The following CELF5 variants were observed in gnomAD, a reference collection of about 807,000 sequenced individuals.
CELF5 encodes CUG-BP and ETR-3 like factor 5.
Under a neutral mutation model 54.9 loss-of-function variants are expected in CELF5, and 6 were observed. That is an observed-to-expected ratio of 0.11 (90% CI 0.06 to 0.22). The LOEUF (loss-of-function observed/expected upper bound fraction) is 0.22, where lower values mean the gene tolerates loss of function less well. Ranked by LOEUF, CELF5 falls within the 10% of genes least tolerant of loss-of-function variation. The probability of loss-of-function intolerance (pLI) is 1.00; values close to 1 mark genes in which losing one functional copy is unlikely to be tolerated. For synonymous variants in CELF5, 271 were observed against 290.9 expected (o/e 0.93, Z 0.70); for missense variants, 401 against 678.6 (o/e 0.59, Z 4.54).
chr19:3,282,561 A>G lies in CELF5; in HGVS notation c.1039+63A>G. 6.5e-7 allele frequency: 1 copy of G among 1,542,300 alleles called. No individual in the cohort carries two copies. Among genetic ancestry groups the G allele is most frequent in the Admixed American group, 1.8e-5 (1 of 54,892 alleles). On this transcript the variant is annotated intron_variant, in intron 8 of 12. Coordinates refer to ENST00000292672, the MANE Select transcript of CELF5 (RefSeq NM_021938.4). The surrounding 1 kb of genome is among the most constrained non-coding windows in gnomAD (Gnocchi z 5.2). ...TGGGGAATAAAGATGGTGTTTCTGG[A>G]ACAAGTATGAGTCCCTACATCACAG...
intron 1 of CELF5, among the ~76,000 whole-genome samples, chr19:3,249,509 C>T (rs990409920): frequency 6.6e-5 from 10 of 151,708 alleles, no homozygotes; most frequent in African/African-American, 2.4e-4. Flanking sequence ...GCTTCCCACC[C>T]TCCGATCCCT....
chr19:3,258,609 A>G (rs895238649), intron 2 of CELF5, among the ~76,000 whole-genome samples: 6 of 151,880 alleles, frequency 4.0e-5, no homozygotes, highest in African/African-American at 1.5e-4. Context: ...ATATATACAT[A>G]TTTTTTATTT....
chr19:3,230,089 T>G (rs1277169397), intron 1 of CELF5, among the ~76,000 whole-genome samples: 2 of 151,650 alleles, frequency 1.3e-5, no homozygotes, highest in African/African-American at 4.8e-5. Context: ...CATTCATTCA[T>G]TCATTCATTC....
intron 2 of CELF5, among the ~76,000 whole-genome samples, chr19:3,263,632 C>T (rs1249509699): frequency 4.6e-5 from 7 of 151,934 alleles, no homozygotes; most frequent in South Asian, 4.2e-4. Flanking sequence ...CGGCCGGGCA[C>T]GGTGGCTCAC....
Position 3,278,157 on chromosome 19 carries a change from G to A in CELF5, c.603+47G>A, listed in dbSNP as rs752994150. 3.3e-6 allele frequency: 4 copies of A among 1,196,002 alleles called. No homozygotes were observed. The highest frequency in any genetic ancestry group is 3.6e-5 in the Admixed American group (2 of 55,196). The allele number at this position is 1,196,002 out of a possible 1,614,324, so 74.1% of individuals were successfully genotyped here. A position where few individuals can be genotyped will look rare whatever the true frequency, so the allele number is the denominator to read the frequency against. ...CCGTGGGGGTGGGGGTGGGAAAGGG[G>A]TGAGGGGGACAGGGATGAAACAGGC... On this transcript the variant is annotated intron_variant, in intron 5 of 12. Transcript: ENST00000292672. The surrounding 1 kb of genome is among the most constrained non-coding windows in gnomAD (Gnocchi z 4.5).
Position 3,293,440 on chromosome 19 carries a change from C to G in CELF5, c.1452C>G (p.Pro484=), listed in dbSNP as rs142809979. ...AGCGGCCCAAAGACCCGGGACACCC[C>G]TACTGACCGCGCCCACAGCCGCCCT... ...QLKRPKDPGH[P]Y Residue 484 remains proline (P), a synonymous_variant, in exon 12 of 13, where the codon CCC becomes CCG. Transcript: ENST00000292672. 1.5e-5 allele frequency: 25 copies of G among 1,613,908 alleles called. No homozygotes were observed. Among genetic ancestry groups the G allele is most frequent in the Middle Eastern group, 1.6e-4 (1 of 6,082 alleles).
intron 2 of CELF5, among the ~76,000 whole-genome samples, chr19:3,251,666 T>TG (rs1270547221): frequency 3.1e-4 from 42 of 135,670 alleles, no homozygotes; most frequent in African/African-American, 1.1e-3. Flanking sequence ...TTTTTTTTTT[T>TG]TTTTTTTTGT....
At chr19:3,274,169 C>A (rs1051904296) in intron 3 of CELF5, among the ~76,000 whole-genome samples, 2 of 151,060 alleles carry the variant, frequency 1.3e-5, no homozygotes, top group Admixed American at 6.6e-5. Flanking sequence ...GATGGGGGGT[C>A]TAGCCAGGTC....
chr19:3,229,764 C>T (rs1420709716), intron 1 of CELF5, among the ~76,000 whole-genome samples: 2 of 152,122 alleles, frequency 1.3e-5, no homozygotes, highest in African/African-American at 4.8e-5. Flanking sequence ...CGCTGAGGCC[C>T]GAAGCGTGAG....
chr19:3,286,416 T>C, intron 10 of CELF5: 1 of 208,012 alleles, frequency 4.8e-6, no homozygotes, highest in Middle Eastern at 1.7e-3. Flanking sequence ...GATTCGATTC[T>C]GGAGTCTGAC....
chr19:3,257,445 T>C (rs1404942569), intron 2 of CELF5, among the ~76,000 whole-genome samples: 1 of 152,126 alleles, frequency 6.6e-6, no homozygotes, highest in African/African-American at 2.4e-5. Flanking sequence ...CGATCTGGTT[T>C]GTTTGTTTCC....
chr19:3,224,898 G>A lies in CELF5; in HGVS notation c.159G>A (p.Pro53=). 1 of 1,607,550 alleles carries A rather than the reference G, an allele frequency of 6.2e-7. No homozygotes were observed. Among genetic ancestry groups the A allele is most frequent in the Non-Finnish European group, 8.5e-7 (1 of 1,177,560 alleles). Residue 53 remains proline (P), a synonymous_variant, in exon 1 of 13, where the codon CCG becomes CCA. Transcript: ENST00000292672. ...DAIKLFVGQI[P]RHLDEKDLKP... ...TCAAACTCTTCGTGGGCCAGATCCC[G>A]CGGCACCTGGACGAGAAGGACCTCA...
chr19:3,255,682 C>G (rs755729578), intron 2 of CELF5, among the ~76,000 whole-genome samples: 14 of 152,186 alleles, frequency 9.2e-5, no homozygotes, highest in Non-Finnish European at 1.8e-4. Flanking sequence ...TAATCTTCAA[C>G]AAGCATCTTT....
chr19:3,277,916 G>A, intron 4 of CELF5, 115 bp from the exon 5 acceptor site: 2 of 727,626 alleles, frequency 2.7e-6, no homozygotes, highest in East Asian at 2.7e-5. Context: ...GTTCTCTCTG[G>A]CTGCATGTGT....
At chr19:3,250,254 C>G (rs572802265) in intron 1 of CELF5, among the ~76,000 whole-genome samples, 1 of 152,102 alleles carries the variant, frequency 6.6e-6, no homozygotes, top group Non-Finnish European at 1.5e-5. Context: ...TTCGGGAGGC[C>G]GAGGCGGGCA....
At chr19:3,239,987 A>G (rs924593469) in intron 1 of CELF5, among the ~76,000 whole-genome samples, 1 of 147,612 alleles carries the variant, frequency 6.8e-6, no homozygotes, top group Non-Finnish European at 1.5e-5. Flanking sequence ...CTCCAATGGC[A>G]TCCCCCATCT....
At chr19:3,235,354 T>C (rs1917490544) in intron 1 of CELF5, among the ~76,000 whole-genome samples, 1 of 151,904 alleles carries the variant, frequency 6.6e-6, no homozygotes, top group Admixed American at 6.6e-5. Context: ...TAACATACTA[T>C]ATATATCGCT....
chr19:3,246,854 C>CA (rs1599408123), intron 1 of CELF5, among the ~76,000 whole-genome samples: 1 of 152,138 alleles, frequency 6.6e-6, no homozygotes, highest in East Asian at 1.9e-4. Context: ...TACCCAGAAA[C>CA]AAAAAGGAAC....
At chr19:3,276,697 T>TG (rs1476935780) in intron 4 of CELF5, among the ~76,000 whole-genome samples, 4 of 114,152 alleles carry the variant, frequency 3.5e-5, no homozygotes, top group Non-Finnish European at 3.7e-5. Context: ...TGCGGTGGGG[T>TG]GGGCGGAGAT....
Sources: gnomAD v4.1 joint callset for allele counts (sites outside exome capture counted in the v4.1 genomes callset) on GRCh38, gnomAD v4.1.1 for gene constraint, Gnocchi (gnomAD v3.1) non-coding constraint, MANE v1.5 for transcripts, NCBI Gene and HGNC (gene_info 2026-07-23, HGNC 2026-07-21) for gene names.